Variants in OSBPL8 observed in about 807,000 individuals in gnomAD.
OSBPL8 encodes the protein oxysterol-binding protein-related protein 8.
A neutral mutation model predicts 125.5 loss-of-function variants in OSBPL8; 59 were observed. The observed-to-expected ratio is 0.47, with a 90% confidence interval of 0.38 to 0.58. OSBPL8 has a LOEUF of 0.58. Among genes scored for constraint, OSBPL8 ranks in the 20% least tolerant of loss-of-function variants. The probability of loss-of-function intolerance (pLI) is 0.00; values close to 1 mark genes in which losing one functional copy is unlikely to be tolerated. For synonymous variants in OSBPL8, 330 were observed against 338.9 expected (o/e 0.97, Z 0.29); for missense variants, 758 against 1,047.8 (o/e 0.72, Z 3.82).
chr12:76,447,977 T>C (rs1015672902), intron 4 of OSBPL8, among the ~76,000 whole-genome samples: 1 of 152,224 alleles, frequency 6.6e-6, no homozygotes, highest in Non-Finnish European at 1.5e-5. Flanking sequence ...GCAAGCCTAC[T>C]GTAGAAAGAT....
intron 9 of OSBPL8, among the ~76,000 whole-genome samples, chr12:76,393,329 T>G (rs543275494): frequency 3.3e-4 from 51 of 152,310 alleles, no homozygotes; most frequent in African/African-American, 1.1e-3. Context: ...GGGCTCTTAA[T>G]TTTCATATAT....
intron 1 of OSBPL8, among the ~76,000 whole-genome samples, chr12:76,549,520 C>A (rs574236878): frequency 6.6e-6 from 1 of 152,130 alleles, no homozygotes; most frequent in Non-Finnish European, 1.5e-5. Context: ...AAGTGATTCT[C>A]CTGCCTCAGA....
chr12:76,500,555 C>G (rs1360244154), intron 1 of OSBPL8, among the ~76,000 whole-genome samples: 1 of 152,086 alleles, frequency 6.6e-6, no homozygotes, highest in Non-Finnish European at 1.5e-5. Context: ...CCTATCTTCC[C>G]TATAAGATTA....
At chr12:76,469,677 C>T (rs952824699) in intron 2 of OSBPL8, among the ~76,000 whole-genome samples, 1 of 152,106 alleles carries the variant, frequency 6.6e-6, no homozygotes, top group Admixed American at 6.6e-5. Flanking sequence ...AGCAATCATC[C>T]CCTATTTTGT....
At chr12:76,528,981 C>T (rs547098643) in intron 1 of OSBPL8, among the ~76,000 whole-genome samples, 15 of 152,270 alleles carry the variant, frequency 9.9e-5, no homozygotes, top group South Asian at 8.3e-4. Flanking sequence ...ATACCAAAGT[C>T]CAAAACAGGG....
chr12:76,522,892 G>A (rs773264492), intron 1 of OSBPL8, among the ~76,000 whole-genome samples: 34 of 152,172 alleles, frequency 2.2e-4, no homozygotes, highest in Non-Finnish European at 1.5e-4. Context: ...CTGTCACCCA[G>A]ATTGGAGTGC....
In OSBPL8 at chr12:76,369,272, A is replaced by G. The variant is rs1592535820; in HGVS notation, c.2270T>C (p.Met757Thr). ...AACACCATCTTTTTCAAACTGTATCATATCATTAAGTGGGTCCCATGGTCG... is the reference window on the plus strand; with the variant it reads ...AACACCATCTTTTTCAAACTGTATCGTATCATTAAGTGGGTCCCATGGTCG... ...DTRPWDPLND[M>T]IQFEKDGVIQ... Residue 757 changes from methionine (M) to threonine (T), a missense_variant, in exon 21 of 24, where the codon ATG (methionine) becomes ACG (threonine). Physicochemically the swap from Met to Thr is moderately conservative, Grantham distance 81. Around this residue, in one of 3 missense-constraint regions of OSBPL8, gnomAD observed 572 missense variants for 762.0 expected, o/e 0.75. Coordinates refer to ENST00000261183, the MANE Select transcript of OSBPL8 (RefSeq NM_020841.5). 1.9e-6 allele frequency: 3 copies of G among 1,612,182 alleles called. No homozygotes were observed. Among genetic ancestry groups the G allele is most frequent in the Middle Eastern group, 1.7e-4 (1 of 6,022 alleles).
intron 6 of OSBPL8, among the ~76,000 whole-genome samples, chr12:76,401,575 T>C (rs1041009035): frequency 7.9e-5 from 12 of 152,140 alleles, no homozygotes; most frequent in African/African-American, 2.9e-4. Context: ...ATTTAGTAAA[T>C]TGTAGGGTCA....
intron 4 of OSBPL8, among the ~76,000 whole-genome samples, chr12:76,429,943 G>T (rs1870610984): frequency 6.6e-6 from 1 of 151,302 alleles, no homozygotes; most frequent in Non-Finnish European, 1.5e-5. Flanking sequence ...CTGATTCATG[G>T]TCTAGAAGGA....
chr12:76,416,958 T>C (rs959760329), intron 4 of OSBPL8, among the ~76,000 whole-genome samples: 3 of 152,240 alleles, frequency 2.0e-5, no homozygotes, highest in Admixed American at 6.5e-5. Context: ...AAAATATGTA[T>C]ACTTAACTTT....
intron 15 of OSBPL8, among the ~76,000 whole-genome samples, chr12:76,380,570 A>C (rs1350494343): frequency 2.8e-5 from 4 of 144,684 alleles, no homozygotes; most frequent in South Asian, 2.2e-4. Flanking sequence ...ATTCATTTCT[A>C]GTATATAGAA....
At chr12:76,398,829 T>G (rs746139844) in intron 7 of OSBPL8, among the ~76,000 whole-genome samples, 11 of 151,974 alleles carry the variant, frequency 7.2e-5, no homozygotes, top group Non-Finnish European at 1.0e-4. Flanking sequence ...CTAAGATACA[T>G]GTATATGTAA....
chr12:76,530,825 G>A (rs894693460), intron 1 of OSBPL8, among the ~76,000 whole-genome samples: 24 of 152,144 alleles, frequency 1.6e-4, no homozygotes, highest in African/African-American at 5.8e-4. Flanking sequence ...ATAAAGGCAT[G>A]AAGGCTTAAT....
intron 1 of OSBPL8, among the ~76,000 whole-genome samples, chr12:76,501,957 C>T (rs917612122): frequency 2.0e-5 from 3 of 152,216 alleles, no homozygotes; most frequent in African/African-American, 7.2e-5. Context: ...ATACATACAG[C>T]ATTGCTTTGG....
At chr12:76,468,263 C>G (rs1479608288) in intron 2 of OSBPL8, among the ~76,000 whole-genome samples, 1 of 151,976 alleles carries the variant, frequency 6.6e-6, no homozygotes, top group African/African-American at 2.4e-5. Context: ...AAATAAACCC[C>G]AAACACTGAT....
intron 1 of OSBPL8, among the ~76,000 whole-genome samples, chr12:76,489,976 G>A (rs149629764): frequency 5.9e-5 from 9 of 152,260 alleles, no homozygotes; most frequent in South Asian, 2.1e-4. Flanking sequence ...CAACCCTTAC[G>A]GATGACTTTG....
intron 8 of OSBPL8, among the ~76,000 whole-genome samples, chr12:76,395,572 A>C (rs1953756761): frequency 6.8e-6 from 1 of 146,890 alleles, no homozygotes; most frequent in Non-Finnish European, 1.5e-5. Context: ...ATTTTCAAAT[A>C]GCTTTACAAT....
At chr12:76,429,340 G>A (rs550523177) in intron 4 of OSBPL8, among the ~76,000 whole-genome samples, 1 of 146,246 alleles carries the variant, frequency 6.8e-6, no homozygotes, top group South Asian at 2.1e-4. Context: ...TATGTGTTGG[G>A]AACTATGTTA....
At chr12:76,537,170 T>C (rs1387297945) in intron 1 of OSBPL8, 1 of 152,326 alleles carries the variant, frequency 6.6e-6, no homozygotes, top group Non-Finnish European at 1.5e-5. Context: ...AAGTCTGATT[T>C]CTATAAATGA....
Sources: allele counts gnomAD v4.1 joint callset (sites outside exome capture counted in the v4.1 genomes callset), GRCh38; gene constraint gnomAD v4.1.1; regional missense constraint gnomAD v4.1.1; transcripts MANE v1.5; gene names NCBI Gene and HGNC (gene_info 2026-07-23, HGNC 2026-07-21).